The following GASK1A variants were observed in gnomAD, a reference collection of about 807,000 sequenced individuals.
GASK1A encodes Golgi-associated kinase 1A.
GASK1A carries 40 observed loss-of-function variants against 41.2 expected under a neutral mutation model. That is an observed-to-expected ratio of 0.97 (90% CI 0.75 to 1.27). The LOEUF is 1.27. Among genes scored for constraint, GASK1A ranks in the 50% most tolerant of loss-of-function variants. The pLI, the probability that GASK1A is intolerant of heterozygous loss-of-function variation, is 0.00. For synonymous variants in GASK1A, 316 were observed against 307.1 expected (o/e 1.03, Z -0.30); for missense variants, 678 against 745.1 (o/e 0.91, Z 1.05).
At chr3:43,004,038 C>T (rs772182086) in intron 1 of GASK1A, among the ~76,000 whole-genome samples, 6 of 152,102 alleles carry the variant, frequency 3.9e-5, no homozygotes, top group African/African-American at 7.2e-5. Flanking sequence ...GTTTTGGTAA[C>T]ATTTACCTGC....
intron 2 of GASK1A, among the ~76,000 whole-genome samples, chr3:43,039,244 C>T (rs146535087): frequency 0.011 from 1,594 of 148,790 alleles, 28 homozygotes; most frequent in African/African-American, 0.037. Flanking sequence ...ACTCTGTCGC[C>T]CAGGCTGGAG....
Position 42,991,593 on chromosome 3 carries a change from T to C in GASK1A, c.3+11948T>C, listed in dbSNP as rs555910492. Among the ~76,000 whole-genome samples, 704 of 152,318 alleles carry C rather than the reference T, an allele frequency of 4.6e-3. 4 individuals carry two copies. Among genetic ancestry groups the C allele is most frequent in the Non-Finnish European group, 7.3e-3 (500 of 68,028 alleles). On this transcript the variant is annotated intron_variant, in intron 1 of 4. Transcript: ENST00000430121. ...GAGGTGTTTGATGGAGTACGGGGGC[T>C]GGAGCCAGGCTCAAGCTGTGCCCAG...
intron 3 of GASK1A, among the ~76,000 whole-genome samples, 192 bp from the exon 4 acceptor site, chr3:43,055,240 A>G (rs1394616663): frequency 1.3e-5 from 2 of 152,210 alleles, no homozygotes; most frequent in Non-Finnish European, 1.5e-5. Context: ...GAATTAATTG[A>G]CAGGATGTCT....
At chr3:43,054,137 T>C (rs1161585688) in intron 3 of GASK1A, 1 of 256,718 alleles carries the variant, frequency 3.9e-6, no homozygotes, top group Non-Finnish European at 7.8e-6. Flanking sequence ...GCCGAGGCCA[T>C]TGGAGAGGGC....
rs1251746561 is a variant in GASK1A, at chr3:43,016,747, T to G, written c.4-15520T>G. 3.1e-3 allele frequency among the ~76,000 whole-genome samples: 339 copies of G among 110,436 alleles called. No homozygotes were observed. In the Middle Eastern group the frequency reaches 0.041, roughly 13 times the overall value. 72.5% of individuals were successfully genotyped at this position (110,436 alleles called of 152,430 possible). A position where few individuals can be genotyped will look rare whatever the true frequency, so the allele number is the denominator to read the frequency against. On this transcript the variant is annotated intron_variant, in intron 1 of 4. Coordinates refer to ENST00000430121, the MANE Select transcript of GASK1A (RefSeq NM_001129908.3). ...TGGCTATGTGAAGTCACAGGAAGAGTCTGTGTGAAGCCACAGGAAGGGACG... is the reference window on the plus strand; with the variant it reads ...TGGCTATGTGAAGTCACAGGAAGAGGCTGTGTGAAGCCACAGGAAGGGACG...
chr3:43,051,543 T>G (rs2089688251), intron 2 of GASK1A, among the ~76,000 whole-genome samples: 1 of 152,248 alleles, frequency 6.6e-6, no homozygotes, highest in Admixed American at 6.5e-5. Context: ...TGCATGTGGC[T>G]TTCTAGATTT....
intron 1 of GASK1A, among the ~76,000 whole-genome samples, chr3:42,996,752 C>T (rs2089372371): frequency 6.6e-6 from 1 of 152,222 alleles, no homozygotes; most frequent in Admixed American, 6.5e-5. Context: ...AGTTTGGGAA[C>T]TGGAGAAAGG....
At chr3:42,980,207 G>T (rs1048908743) in intron 1 of GASK1A, among the ~76,000 whole-genome samples, 1 of 152,200 alleles carries the variant, frequency 6.6e-6, no homozygotes, top group Non-Finnish European at 1.5e-5. Context: ...GGGCAGATGT[G>T]GAAGCACTGG....
At chr3:43,014,610 C>T (rs950912263) in intron 1 of GASK1A, among the ~76,000 whole-genome samples, 9 of 151,592 alleles carry the variant, frequency 5.9e-5, no homozygotes, top group Non-Finnish European at 7.4e-5. Flanking sequence ...TTTGTGAAGT[C>T]GCAGTATGGG....
At chr3:43,030,965 C>A (rs559416416) in intron 1 of GASK1A, among the ~76,000 whole-genome samples, 1 of 152,036 alleles carries the variant, frequency 6.6e-6, no homozygotes, top group Admixed American at 6.5e-5. Flanking sequence ...CAAGCACATG[C>A]GGGGAAAAAA....
intron 1 of GASK1A, among the ~76,000 whole-genome samples, chr3:42,992,379 G>A (rs758089750): frequency 6.6e-5 from 10 of 152,196 alleles, no homozygotes; most frequent in Non-Finnish European, 1.5e-4. Flanking sequence ...GGGCCTCCTT[G>A]TGGGAATGTA....
chr3:43,050,799 A>T (rs897598991), intron 2 of GASK1A, among the ~76,000 whole-genome samples: 1 of 151,864 alleles, frequency 6.6e-6, no homozygotes, highest in Admixed American at 6.6e-5. Flanking sequence ...CTGCTGTTCG[A>T]TCCTCTCAGT....
At chr3:43,056,105 T>A in intron 4 of GASK1A, 71 bp from the exon 5 acceptor site, 1 of 1,257,354 alleles carries the variant, frequency 8.0e-7, no homozygotes, top group Non-Finnish European at 1.1e-6. Flanking sequence ...TGGCATCACC[T>A]GTTACTGAAA....
intron 1 of GASK1A, among the ~76,000 whole-genome samples, chr3:43,017,756 TC>T (rs2089500340): frequency 6.7e-6 from 1 of 149,570 alleles, no homozygotes; most frequent in Non-Finnish European, 1.5e-5. Flanking sequence ...CAGGGGGCCG[TC>T]TGAAGCCACA....
chr3:43,006,481 A>G (rs1000446367), intron 1 of GASK1A, among the ~76,000 whole-genome samples: 1 of 152,228 alleles, frequency 6.6e-6, no homozygotes, highest in African/African-American at 2.4e-5. Flanking sequence ...GAATTAAAAG[A>G]AATAATTTTC....
At chr3:43,027,081 A>C (rs1442571311) in intron 1 of GASK1A, among the ~76,000 whole-genome samples, 1 of 152,242 alleles carries the variant, frequency 6.6e-6, no homozygotes, top group Non-Finnish European at 1.5e-5. Context: ...AGCAGAACCC[A>C]TAAGCTATTC....
intron 2 of GASK1A, among the ~76,000 whole-genome samples, chr3:43,033,858 G>A (rs559304204): frequency 6.6e-6 from 1 of 152,296 alleles, no homozygotes; most frequent in Admixed American, 6.5e-5. Flanking sequence ...AGAAACAAAG[G>A]TAATAACTAC....
chr3:43,040,472 G>A (rs601055), intron 2 of GASK1A, among the ~76,000 whole-genome samples: 107,757 of 151,884 alleles, frequency 0.71, 40,323 homozygotes, highest in East Asian at 0.84. Context: ...TTTTTTGCTT[G>A]TTCCTTCCCC....
chr3:43,005,935 T>C (rs1185891783), intron 1 of GASK1A, among the ~76,000 whole-genome samples: 2 of 152,214 alleles, frequency 1.3e-5, no homozygotes, highest in Non-Finnish European at 2.9e-5. Flanking sequence ...GATTTGGTAC[T>C]GTCCAAGGTT....
Sources: gnomAD v4.1 joint callset for allele counts (sites outside exome capture counted in the v4.1 genomes callset) on GRCh38, gnomAD v4.1.1 for gene constraint, MANE v1.5 for transcripts, NCBI Gene and HGNC (gene_info 2026-07-23, HGNC 2026-07-21) for gene names.